Variants in RS1 observed in about 807,000 individuals in gnomAD.
RS1 encodes the protein retinoschisin.
In RS1, 2 loss-of-function variants were observed where a neutral mutation model predicts 20.8. That is an observed-to-expected ratio of 0.10 (90% CI 0.04 to 0.30). The LOEUF is 0.30. RS1 is among the 10% of genes least tolerant of loss of function. The pLI is 1.00. For synonymous variants in RS1, 70 were observed against 75.8 expected, an observed-to-expected ratio of 0.92 and a Z score of 0.40; for missense variants, 151 against 189.8, an observed-to-expected ratio of 0.80 and a Z score of 1.20.
At chrX:18,646,407 G>A (rs1474380341) in intron 4 of RS1, among the ~76,000 whole-genome samples, 1 of 112,087 alleles carries the variant, frequency 8.9e-6, no homozygotes, top group Admixed American at 9.4e-5. Context: ...GCCCCCCCTC[G>A]GCCTCCCAAA....
chrX:18,656,565 CA>C (rs1369458841), intron 3 of RS1, 87 bp downstream of exon 3: 3 of 687,896 alleles, frequency 4.4e-6, no homozygotes, highest in Non-Finnish European at 4.8e-6. Context: ...GGGTAGCGTT[CA>C]GGGGGTTAAT....
At position 18,641,732 on chromosome X, in the gene RS1, A is replaced by T; in HGVS notation, c.*272T>A. The stretch of plus-strand genomic sequence containing the variant: ...TGAGACAAAAAATGAGCAGAAAATT[A>T]CCCCTGCTACTTAGGCTTTTGTAAG... On this transcript the variant is annotated 3_prime_UTR_variant, in exon 6 of 6. Coordinates refer to ENST00000379984, the MANE Select transcript of RS1 (RefSeq NM_000330.4). The T allele has an allele frequency of 2.7e-6, 1 of 367,477 alleles. No homozygotes were observed. Among genetic ancestry groups the T allele is most frequent in the South Asian group, 4.0e-5 (1 of 24,918 alleles). 30.3% of individuals were successfully genotyped at this position (367,477 alleles called of 1,213,427 possible).
rs1358250633 is a variant in RS1, at chrX:18,639,810, TCAG to T, written c.*2191_*2193del. 8.9e-6 allele frequency: 1 copy of T among 112,299 alleles called. No homozygotes were observed. Among genetic ancestry groups the T allele is most frequent in the Non-Finnish European group, 1.9e-5 (1 of 53,287 alleles). The allele number at this position is 112,299 out of a possible 1,213,427, so 9.3% of individuals were successfully genotyped here. A position where few individuals can be genotyped will look rare whatever the true frequency, so the allele number is the denominator to read the frequency against. On this transcript the variant is annotated 3_prime_UTR_variant, in exon 6 of 6. Transcript: ENST00000379984. The stretch of plus-strand genomic sequence containing the variant: ...TTGACATGATACTGAACAATGATGT[TCAG>T]CAATAAAAAGGAGTGACAAGTGACA...
In RS1 at chrX:18,657,687, GA is replaced by G. The variant is rs757787244; in HGVS notation, c.53-23del. ...GTGGCTAAAGCAAAAGGATGAGACAGAAAAAATCTAATTAATGAAAGAGAAA... is the reference window on the plus strand; with the variant it reads ...GTGGCTAAAGCAAAAGGATGAGACAGAAAAATCTAATTAATGAAAGAGAAA... On this transcript the variant is annotated intron_variant, in intron 1 of 5. Transcript: ENST00000379984. The G allele has an allele frequency of 2.5e-5, 29 of 1,160,392 alleles. No homozygotes were observed. The South Asian group carries it at 5.2e-4, about 21-fold the overall frequency.
intron 3 of RS1, chrX:18,653,329 A>T: frequency 1.7e-6 from 2 of 1,154,203 alleles, no homozygotes; most frequent in Non-Finnish European, 2.3e-6. Flanking sequence ...GCCAGAATGC[A>T]TGTGGCCTTC....
intron 1 of RS1, among the ~76,000 whole-genome samples, chrX:18,658,123 T>A (rs1343823162): frequency 1.8e-5 from 2 of 111,225 alleles, no homozygotes; most frequent in African/African-American, 6.6e-5. Context: ...TGAGCCAAGA[T>A]CGCTCCACTG....
At chrX:18,644,190 T>C (rs904270733) in intron 5 of RS1, among the ~76,000 whole-genome samples, 2 of 112,329 alleles carry the variant, frequency 1.8e-5, no homozygotes, top group Admixed American at 9.4e-5. Flanking sequence ...CATGCTGATA[T>C]GGAAACTCAG....
intron 3 of RS1, among the ~76,000 whole-genome samples, chrX:18,655,946 G>A (rs1334142358): frequency 1.9e-5 from 2 of 107,782 alleles, no homozygotes; most frequent in Admixed American, 2.0e-4. Context: ...CAAAATTCCA[G>A]GCTGCCTAGC....
chrX:18,665,709 AAAAT>A (rs925848052), intron 1 of RS1, among the ~76,000 whole-genome samples: 2 of 109,181 alleles, frequency 1.8e-5, no homozygotes, highest in Admixed American at 9.9e-5. Context: ...GTCTCTGCTA[AAAAT>A]AAATAAACAA....
intron 1 of RS1, among the ~76,000 whole-genome samples, chrX:18,664,701 GTTATTA>G (rs1928374512): frequency 9.1e-6 from 1 of 110,496 alleles, no homozygotes; most frequent in African/African-American, 3.3e-5. Flanking sequence ...TATTATTGTT[GTTATTA>G]TTAGTAGTAT....
chrX:18,658,229 C>T (rs1928254017), intron 1 of RS1, among the ~76,000 whole-genome samples: 1 of 111,738 alleles, frequency 8.9e-6, no homozygotes, highest in Admixed American at 9.6e-5. Flanking sequence ...TTGGAAACTA[C>T]ATTAATGTAG....
intron 3 of RS1, among the ~76,000 whole-genome samples, chrX:18,649,236 A>G (rs1445745737): frequency 1.8e-5 from 2 of 110,210 alleles, no homozygotes; most frequent in African/African-American, 6.6e-5. Context: ...TGGCAAATAT[A>G]TTTTCCTTTT....
intron 3 of RS1, chrX:18,650,632 T>C: frequency 1.7e-6 from 2 of 1,187,318 alleles, no homozygotes; most frequent in Non-Finnish European, 2.3e-6. Context: ...CAGCCTGGGC[T>C]GTACCTCGGA....
In RS1 at chrX:18,658,604, T is replaced by C. The variant is rs1489974924; in HGVS notation, c.53-939A>G. 1.5e-4 allele frequency among the ~76,000 whole-genome samples: 13 copies of C among 89,563 alleles called. No individual in the cohort carries two copies. In the East Asian group the frequency reaches 3.5e-3, roughly 24 times the overall value. 77.8% of individuals were successfully genotyped at this position (89,563 alleles called of 115,157 possible). Reference sequence around the variant, plus strand: ...CCAAGTAGCTGGGATTACAGGTGCATACCACCACACCTGGCTAATTTTTTG... The same window carrying C: ...CCAAGTAGCTGGGATTACAGGTGCACACCACCACACCTGGCTAATTTTTTG... On this transcript the variant is annotated intron_variant, in intron 1 of 5. Transcript: ENST00000379984.
At chrX:18,662,629 C>CTTTTTT (rs765805571) in intron 1 of RS1, among the ~76,000 whole-genome samples, 1 of 98,727 alleles carries the variant, frequency 1.0e-5, no homozygotes, top group African/African-American at 3.7e-5. Flanking sequence ...TGAACTCATC[C>CTTTTTT]TTTTTTTTTT....
intron 1 of RS1, among the ~76,000 whole-genome samples, chrX:18,669,561 A>G (rs1928460508): frequency 9.1e-6 from 1 of 109,962 alleles, no homozygotes; most frequent in Non-Finnish European, 1.9e-5. Flanking sequence ...ACCTTCATCC[A>G]ACGCCTAAGT....
intron 1 of RS1, 137 bp from the exon 2 acceptor site, chrX:18,657,802 AGTAAATAT>A: frequency 5.7e-6 from 3 of 528,483 alleles, no homozygotes; most frequent in Non-Finnish European, 1.0e-5. Context: ...AGTCATGGTG[AGTAAATAT>A]CTGCCAGGAA....
rs1446044842 is a variant in RS1, at chrX:18,653,406, C to T, written c.184+3247G>A. The stretch of plus-strand genomic sequence containing the variant: ...TAGCGCTCCTGGCAGCTCTGAGTGA[C>T]CCCGCTGTCCTTCTGTGCTTTCCAG... On this transcript the variant is annotated intron_variant, in intron 3 of 5. Coordinates refer to ENST00000379984, the MANE Select transcript of RS1 (RefSeq NM_000330.4). 7 of 1,207,334 alleles carry T rather than the reference C, an allele frequency of 5.8e-6. No individual in the cohort carries two copies. The South Asian group carries it at 1.2e-4, about 21-fold the overall frequency.
At position 18,644,324 on chromosome X, in the gene RS1, C is replaced by T. The variant is rs144601074; in HGVS notation, c.522+106G>A. ...GGGAAAGCGCAGATGATCCACTGTG[C>T]TGTGGAGTCGGTGCTCTGACAGAGG... On this transcript the variant is annotated intron_variant, in intron 5 of 5. Transcript: ENST00000379984. 446 of 691,797 alleles carry T rather than the reference C, an allele frequency of 6.4e-4. 3 individuals carry two copies. The African/African-American group carries it at 8.4e-3, about 13-fold the overall frequency. 57.0% of individuals were successfully genotyped at this position (691,797 alleles called of 1,213,427 possible).
Sources: allele counts gnomAD v4.1 joint callset (sites outside exome capture counted in the v4.1 genomes callset), GRCh38; gene constraint gnomAD v4.1.1; transcripts MANE v1.5; gene names NCBI Gene and HGNC (gene_info 2026-07-23, HGNC 2026-07-21).